MTUS2: variants seen among roughly 807,000 people sequenced by gnomAD.
MTUS2 encodes microtubule-associated tumor suppressor candidate 2.
In MTUS2, 40 loss-of-function variants were observed where a neutral mutation model predicts 114.1. That is an observed-to-expected ratio of 0.35 (90% CI 0.27 to 0.46). The LOEUF is 0.46. MTUS2 is among the 20% of genes least tolerant of loss of function. The probability of loss-of-function intolerance (pLI) is 1.00; values close to 1 mark genes in which losing one functional copy is unlikely to be tolerated. For missense variants in MTUS2, 1,679 were observed against 1,705.4 expected, an observed-to-expected ratio of 0.98 and a Z score of 0.27; for synonymous variants, 688 against 672.0, an observed-to-expected ratio of 1.02 and a Z score of -0.37.
intron 8 of MTUS2, among the ~76,000 whole-genome samples, chr13:29,419,582 G>A (rs1042089463): frequency 6.6e-6 from 1 of 152,120 alleles, no homozygotes; most frequent in Non-Finnish European, 1.5e-5. Flanking sequence ...CCCAGTTCAC[G>A]GGCTCCCATT....
intron 2 of MTUS2, among the ~76,000 whole-genome samples, chr13:28,997,196 T>G (rs1458247229): frequency 6.6e-6 from 1 of 152,140 alleles, no homozygotes; most frequent in Non-Finnish European, 1.5e-5. Flanking sequence ...TCCATGTAGT[T>G]GAGCAGTTTT....
chr13:28,899,732 G>C (rs1879523648), intron 2 of MTUS2, among the ~76,000 whole-genome samples: 1 of 151,820 alleles, frequency 6.6e-6, no homozygotes, highest in African/African-American at 2.4e-5. Flanking sequence ...TTTTATATCT[G>C]ACTTCCATTT....
At chr13:29,432,608 T>A (rs1877090523) in intron 8 of MTUS2, among the ~76,000 whole-genome samples, 1 of 152,210 alleles carries the variant, frequency 6.6e-6, no homozygotes, top group African/African-American at 2.4e-5. Context: ...CTCAAAAGCC[T>A]TCTGGGCTCA....
chr13:29,161,071 G>C (rs1893076598), intron 5 of MTUS2, among the ~76,000 whole-genome samples: 1 of 152,214 alleles, frequency 6.6e-6, no homozygotes, highest in Non-Finnish European at 1.5e-5. Context: ...AGACCCTTGT[G>C]GTAAGGGAAT....
chr13:29,105,353 TAATC>T (rs1165355887), intron 5 of MTUS2, among the ~76,000 whole-genome samples: 14 of 152,172 alleles, frequency 9.2e-5, no homozygotes, highest in African/African-American at 3.4e-4. Context: ...TTTCATAAAT[TAATC>T]ATTAATGAAA....
chr13:29,075,676 A>G (rs897856735), intron 4 of MTUS2, among the ~76,000 whole-genome samples: 4 of 152,216 alleles, frequency 2.6e-5, no homozygotes, highest in African/African-American at 9.6e-5. Context: ...TATGTTTCCT[A>G]GAATCCTATT....
At chr13:28,924,672 G>T (rs1192777037) in intron 2 of MTUS2, among the ~76,000 whole-genome samples, 3 of 152,210 alleles carry the variant, frequency 2.0e-5, no homozygotes. Context: ...ACTGTGGTCA[G>T]CGCTTGTCCC....
chr13:29,488,033 C>A, intron 11 of MTUS2, 28 bp downstream of exon 11: 1 of 1,566,756 alleles, frequency 6.4e-7, no homozygotes, highest in Non-Finnish European at 8.8e-7. Context: ...GTGCAGCAGG[C>A]AGGGGTGGGT....
intron 5 of MTUS2, among the ~76,000 whole-genome samples, chr13:29,251,013 AT>A (rs1897106001): frequency 6.6e-6 from 1 of 152,168 alleles, no homozygotes; most frequent in Non-Finnish European, 1.5e-5. Context: ...ATTGTCACTG[AT>A]TCTCTTGCTC....
At chr13:29,402,751 T>C in intron 8 of MTUS2, among the ~76,000 whole-genome samples, 1 of 152,300 alleles carries the variant, frequency 6.6e-6, no homozygotes, top group African/African-American at 2.4e-5. Context: ...TTAAGATCTT[T>C]TTATTTATGT....
intron 7 of MTUS2, among the ~76,000 whole-genome samples, chr13:29,328,651 A>C (rs7983389): frequency 0.81 from 122,530 of 151,630 alleles, 50,409 homozygotes; most frequent in East Asian, 0.9. Flanking sequence ...TGTCTCTTTA[A>C]AGATTTCAAA....
chr13:29,022,758 G>A (rs892086474), intron 2 of MTUS2, among the ~76,000 whole-genome samples: 3 of 152,168 alleles, frequency 2.0e-5, no homozygotes, highest in Non-Finnish European at 4.4e-5. Flanking sequence ...TCATAATAGT[G>A]GATGAAACAA....
chr13:29,361,795 A>C (rs1452714740), intron 8 of MTUS2, among the ~76,000 whole-genome samples: 1 of 152,208 alleles, frequency 6.6e-6, no homozygotes, highest in African/African-American at 2.4e-5. Context: ...TATAGCCTGA[A>C]AATGCATGAT....
intron 2 of MTUS2, among the ~76,000 whole-genome samples, chr13:28,879,381 T>G (rs948022823): frequency 6.6e-6 from 1 of 152,208 alleles, no homozygotes; most frequent in Non-Finnish European, 1.5e-5. Context: ...ATGAAACCAG[T>G]GGGAAGCAAT....
At chr13:29,179,423 A>G (rs1382624693) in intron 5 of MTUS2, among the ~76,000 whole-genome samples, 1 of 152,178 alleles carries the variant, frequency 6.6e-6, no homozygotes, top group African/African-American at 2.4e-5. Flanking sequence ...ACATTTTTTC[A>G]AAAGAGGTTT....
At chr13:29,393,260 A>G (rs759942467) in intron 8 of MTUS2, among the ~76,000 whole-genome samples, 2 of 152,242 alleles carry the variant, frequency 1.3e-5, no homozygotes, top group Non-Finnish European at 2.9e-5. Context: ...TCTGAGAAGT[A>G]GCACAGTGAG....
intron 2 of MTUS2, among the ~76,000 whole-genome samples, chr13:28,887,493 A>G (rs989246723): frequency 6.6e-6 from 1 of 152,218 alleles, no homozygotes; most frequent in African/African-American, 2.4e-5. Context: ...CATTCCATAA[A>G]TGGTCACACA....
At chr13:29,313,278 CAG>C (rs1256252243) in intron 6 of MTUS2, among the ~76,000 whole-genome samples, 2 of 152,124 alleles carry the variant, frequency 1.3e-5, no homozygotes, top group East Asian at 3.9e-4. Flanking sequence ...AGATTTAAGA[CAG>C]ACAACAAGAT....
chr13:29,139,818 G>A (rs563425816), intron 5 of MTUS2, among the ~76,000 whole-genome samples: 4 of 152,220 alleles, frequency 2.6e-5, no homozygotes, highest in African/African-American at 9.6e-5. Context: ...TAGACTTATG[G>A]TTGGTGAAGA....
Sources: gnomAD v4.1 joint callset for allele counts (sites outside exome capture counted in the v4.1 genomes callset) on GRCh38, gnomAD v4.1.1 for gene constraint, MANE v1.5 for transcripts, NCBI Gene and HGNC (gene_info 2026-07-23, HGNC 2026-07-21) for gene names.